Variants in CCDC85C observed in about 807,000 individuals in gnomAD.
The protein encoded by CCDC85C is coiled-coil domain-containing protein 85C.
A neutral mutation model predicts 38.3 loss-of-function variants in CCDC85C; 18 were observed. The observed-to-expected ratio is 0.47, with a 90% CI of 0.33 to 0.70. The LOEUF is 0.70. Among genes scored for constraint, CCDC85C ranks in the 30% least tolerant of loss-of-function variants. The pLI is 0.03. For missense variants in CCDC85C, 566 were observed against 621.2 expected, an observed-to-expected ratio of 0.91 and a Z score of 0.94; for synonymous variants, 264 against 293.8, an observed-to-expected ratio of 0.90 and a Z score of 1.04.
At chr14:99,526,675 C>T (rs910683575) in intron 2 of CCDC85C, among the ~76,000 whole-genome samples, 1 of 152,180 alleles carries the variant, frequency 6.6e-6, no homozygotes, top group Non-Finnish European at 1.5e-5. Context: ...GAAGACGAAG[C>T]ACTGTGGGAG....
chr14:99,515,306 G>A lies in CCDC85C; in HGVS notation c.1200C>T (p.Ala400=). Residue 400 remains alanine (A), a synonymous_variant, in exon 6 of 6, where the codon GCC becomes GCT. Coordinates refer to ENST00000380243, the MANE Select transcript of CCDC85C (RefSeq NM_001144995.2). The part of the protein sequence containing the change: ...NVVWRKLGDA[A]SSKPSIRQHL... The stretch of plus-strand genomic sequence containing the variant: ...GCTGCCGTATGGAGGGCTTGGAGCT[G>A]GCTGCATCTCCCAGCTTTCTCCAGA... 6.4e-7 allele frequency: 1 copy of A among 1,550,842 alleles called. No homozygotes were observed. Among genetic ancestry groups the A allele is most frequent in the Non-Finnish European group, 8.7e-7 (1 of 1,146,834 alleles).
rs568982775 is a variant in CCDC85C at position 99,558,237 on chromosome 14, C to T, written c.794-22149G>A. On this transcript the variant is annotated intron_variant, in intron 1 of 5. Coordinates refer to ENST00000380243, the MANE Select transcript of CCDC85C (RefSeq NM_001144995.2). This position sits in a 1 kb window ranked among gnomAD's most constrained non-coding sequence, Gnocchi z 4.2. Reference sequence around the variant, plus strand: ...AACAGCAGAAGAGTCACTCCACCTCCCTGCCACCTACCGTAGCAAGCCGAG... The same window carrying T: ...AACAGCAGAAGAGTCACTCCACCTCTCTGCCACCTACCGTAGCAAGCCGAG... 6.6e-6 allele frequency among the ~76,000 whole-genome samples: 1 copy of T among 152,322 alleles called. No individual in the cohort carries two copies. The highest frequency in any genetic ancestry group is 6.5e-5 in the Admixed American group (1 of 15,300).
intron 1 of CCDC85C, among the ~76,000 whole-genome samples, chr14:99,543,463 C>G (rs1033637087): frequency 6.6e-6 from 1 of 152,256 alleles, no homozygotes; most frequent in South Asian, 2.1e-4. Context: ...TCTACTGCAA[C>G]GCAAAGAGTG....
rs993419765 is a variant in CCDC85C at position 99,510,012 on chromosome 14, G to A, written c.*5234C>T. On this transcript the variant is annotated 3_prime_UTR_variant, in exon 6 of 6. Transcript: ENST00000380243. ...AGACATCTGGTGGCATCAGGACATGGGGCATGGGCCCATGCGTTGGGCCAC... is the reference window on the plus strand; with the variant it reads ...AGACATCTGGTGGCATCAGGACATGAGGCATGGGCCCATGCGTTGGGCCAC... 10 of 746,244 alleles carry A rather than the reference G, an allele frequency of 1.3e-5. No individual in the cohort carries two copies. The highest frequency in any genetic ancestry group is 1.9e-5 in the Non-Finnish European group (9 of 468,476). 46.2% of individuals were successfully genotyped at this position (746,244 alleles called of 1,614,324 possible).
At chr14:99,555,483 A>G (rs957016912) in intron 1 of CCDC85C, among the ~76,000 whole-genome samples, 33 of 152,180 alleles carry the variant, frequency 2.2e-4, no homozygotes, top group African/African-American at 7.7e-4. Context: ...CCTCCCTGGC[A>G]CACAGCCACT....
chr14:99,551,486 T>C (rs1259849567), intron 1 of CCDC85C, among the ~76,000 whole-genome samples: 1 of 148,262 alleles, frequency 6.7e-6, no homozygotes, highest in East Asian at 2.0e-4. Context: ...AGCAAGTGGG[T>C]GTAGAAGGCA....
At position 99,516,251 on chromosome 14, in the gene CCDC85C, G is replaced by C; in HGVS notation, c.1107C>G (p.Leu369=). The C allele has an allele frequency of 6.4e-7, 1 of 1,551,226 alleles. No homozygotes were observed. The highest frequency in any genetic ancestry group is 1.2e-5 in the South Asian group (1 of 84,052). The change falls in exon 5 of 6, where the codon CTC becomes CTG. Residue 369 remains leucine (L), a synonymous_variant. Transcript: ENST00000380243. The surrounding 1 kb of genome is among the most constrained non-coding windows in gnomAD (Gnocchi z 5.5). ...TCAGGTCCTCCTCACAGCTGTCCTG[G>C]AGCTGCCGGTCCAGATTCTCGTGTA... ...LEVHENLDRQ[L]QDSCEEDLSE...
At chr14:99,599,949 C>A (rs1341167976) in intron 1 of CCDC85C, among the ~76,000 whole-genome samples, 1 of 152,138 alleles carries the variant, frequency 6.6e-6, no homozygotes, top group African/African-American at 2.4e-5. Context: ...ATACACAGGC[C>A]CACCAGGCCA....
At chr14:99,561,431 C>A (rs1315828531) in intron 1 of CCDC85C, among the ~76,000 whole-genome samples, 4 of 152,194 alleles carry the variant, frequency 2.6e-5, no homozygotes, top group Non-Finnish European at 5.9e-5. Flanking sequence ...TGGGCACCTG[C>A]CCAGCCATCC....
chr14:99,563,351 C>A lies in CCDC85C; in HGVS notation c.794-27263G>T, dbSNP rs1898154657. Among the ~76,000 whole-genome samples, 3 of 152,400 alleles carry A rather than the reference C, an allele frequency of 2.0e-5. No homozygotes were observed. In the South Asian group the frequency reaches 6.2e-4, roughly 32 times the overall value. ...GATGGCGCGGTGCAGGGAGCAGCCT[C>A]TGCAAGGCAATCGCTCATGCTGTCA... On this transcript the variant is annotated intron_variant, in intron 1 of 5. Transcript: ENST00000380243.
intron 3 of CCDC85C, among the ~76,000 whole-genome samples, chr14:99,521,494 C>T (rs1226038228): frequency 6.6e-6 from 1 of 152,208 alleles, no homozygotes; most frequent in African/African-American, 2.4e-5. Flanking sequence ...ATACACGGCT[C>T]TGCAGGTGCC....
At chr14:99,543,284 C>T (rs1897747921) in intron 1 of CCDC85C, among the ~76,000 whole-genome samples, 2 of 152,180 alleles carry the variant, frequency 1.3e-5, no homozygotes, top group South Asian at 2.1e-4. Context: ...TGCAGAACCC[C>T]GTCTTACAAA....
chr14:99,603,294 G>C lies in CCDC85C; in HGVS notation c.666C>G (p.His222Gln). 5.1e-6 allele frequency: 7 copies of C among 1,361,232 alleles called. No individual in the cohort carries two copies. Among genetic ancestry groups the C allele is most frequent in the East Asian group, 3.1e-5 (1 of 32,512 alleles). The allele number at this position is 1,361,232 out of a possible 1,614,324, so 84.3% of individuals were successfully genotyped here. ...CGGGGGGCAGCAGCGGGGGTGGGAC[G>C]TGGTGGTGGTGGTCGGGGCTGCCGC... The part of the protein sequence containing the change: ...GSGGSPDHHH[H>Q]VPPPLLPPGP... Residue 222 changes from histidine to glutamine, a missense_variant, in exon 1 of 6, where the codon CAC becomes CAG. Coordinates refer to ENST00000380243, the MANE Select transcript of CCDC85C (RefSeq NM_001144995.2). This position sits in a 1 kb window ranked among gnomAD's most constrained non-coding sequence, Gnocchi z 7.5.
intron 1 of CCDC85C, among the ~76,000 whole-genome samples, chr14:99,587,737 C>T (rs923400041): frequency 6.6e-6 from 1 of 152,132 alleles, no homozygotes; most frequent in Non-Finnish European, 1.5e-5. Flanking sequence ...GCAGAACCCC[C>T]GTACAGTCAT....
At chr14:99,571,760 A>G (rs981349376) in intron 1 of CCDC85C, among the ~76,000 whole-genome samples, 5 of 152,176 alleles carry the variant, frequency 3.3e-5, no homozygotes, top group Non-Finnish European at 4.4e-5. Flanking sequence ...GGCCTTTGCC[A>G]ATGTAAATAT....
intron 1 of CCDC85C, among the ~76,000 whole-genome samples, chr14:99,575,520 G>T (rs1438006619): frequency 6.6e-6 from 1 of 152,228 alleles, no homozygotes; most frequent in East Asian, 1.9e-4. Flanking sequence ...AATGCAAGCT[G>T]CCAACACCAA....
intron 1 of CCDC85C, among the ~76,000 whole-genome samples, chr14:99,542,697 T>A (rs1897736368): frequency 2.0e-5 from 3 of 152,254 alleles, no homozygotes; most frequent in African/African-American, 7.2e-5. Context: ...TGGCCACACA[T>A]CCTGCAGTGC....
At chr14:99,526,691 AG>A (rs1446866152) in intron 2 of CCDC85C, among the ~76,000 whole-genome samples, 3 of 152,188 alleles carry the variant, frequency 2.0e-5, no homozygotes, top group Admixed American at 6.5e-5. Context: ...GGGAGCTCCC[AG>A]GGTTGGTCAG....
intron 1 of CCDC85C, among the ~76,000 whole-genome samples, chr14:99,568,595 C>T (rs1898271026): frequency 6.6e-6 from 1 of 152,166 alleles, no homozygotes; most frequent in South Asian, 2.1e-4. Context: ...GGCCGCTGGA[C>T]CCAGTGCCAA....
Sources: gnomAD v4.1 joint callset for allele counts (sites outside exome capture counted in the v4.1 genomes callset) on GRCh38, gnomAD v4.1.1 for gene constraint, Gnocchi (gnomAD v3.1) non-coding constraint, MANE v1.5 for transcripts, NCBI Gene and HGNC (gene_info 2026-07-23, HGNC 2026-07-21) for gene names.